GALNT17: variants seen among roughly 807,000 people sequenced by gnomAD.
GALNT17 encodes UDP-GalNAc:polypeptide N-acetylgalactosaminyltransferase-like 3.
A neutral mutation model predicts 63.7 loss-of-function variants in GALNT17; 29 were observed. The ratio of observed to expected loss-of-function variants is 0.46; its 90% CI spans 0.34 to 0.62. GALNT17 has a LOEUF of 0.62. Among genes scored for constraint, GALNT17 ranks in the 20% least tolerant of loss-of-function variants. The pLI is 0.01. For missense variants in GALNT17, 603 were observed against 799.6 expected (o/e 0.75, Z 2.97); for synonymous variants, 305 against 318.3 (o/e 0.96, Z 0.45).
chr7:71,163,519 C>T lies in GALNT17; in HGVS notation c.238+30479C>T, dbSNP rs77667038. 5.5e-3 allele frequency among the ~76,000 whole-genome samples: 830 copies of T among 152,260 alleles called. 9 individuals carry two copies. Among genetic ancestry groups the T allele is most frequent in the African/African-American group, 0.018 (732 of 41,554 alleles). On this transcript the variant is annotated intron_variant, in intron 1 of 10. Transcript: ENST00000333538. ...CTTTAAGGCCCCTTTTCCCTAATCACGAGCCAAACAGGGGGATTGGATTTT... is the reference window on the plus strand; with the variant it reads ...CTTTAAGGCCCCTTTTCCCTAATCATGAGCCAAACAGGGGGATTGGATTTT...
intron 5 of GALNT17, among the ~76,000 whole-genome samples, chr7:71,489,058 A>C (rs368974859): frequency 6.7e-6 from 1 of 149,676 alleles, no homozygotes. Context: ...CACACCTCGC[A>C]AATTTTTGTA....
chr7:71,617,989 A>T (rs1042158411), intron 6 of GALNT17, among the ~76,000 whole-genome samples: 1 of 151,980 alleles, frequency 6.6e-6, no homozygotes, highest in Non-Finnish European at 1.5e-5. Flanking sequence ...ACCCTCTAGT[A>T]GTCCACAATA....
At chr7:71,272,382 C>T (rs1434550144) in intron 1 of GALNT17, among the ~76,000 whole-genome samples, 1 of 152,144 alleles carries the variant, frequency 6.6e-6, no homozygotes, top group Non-Finnish European at 1.5e-5. Context: ...GCGTATGTTT[C>T]ACTTTGTAAA....
intron 1 of GALNT17, among the ~76,000 whole-genome samples, chr7:71,226,440 G>T (rs993710567): frequency 2.6e-5 from 4 of 152,106 alleles, no homozygotes; most frequent in Admixed American, 2.0e-4. Flanking sequence ...CTATCTTCGT[G>T]GTCTAGGCCA....
At chr7:71,163,262 A>C (rs1403890954) in intron 1 of GALNT17, among the ~76,000 whole-genome samples, 1 of 152,176 alleles carries the variant, frequency 6.6e-6, no homozygotes. Context: ...TTTTGGATGC[A>C]CTGTTTCTGA....
intron 6 of GALNT17, among the ~76,000 whole-genome samples, chr7:71,661,696 C>G (rs1474469874): frequency 1.3e-5 from 2 of 152,182 alleles, no homozygotes; most frequent in Non-Finnish European, 2.9e-5. Flanking sequence ...CCTGGCAGTT[C>G]ACCCTGGGCT....
At chr7:71,215,093 G>A (rs544388573) in intron 1 of GALNT17, among the ~76,000 whole-genome samples, 1 of 152,316 alleles carries the variant, frequency 6.6e-6, no homozygotes, top group East Asian at 1.9e-4. Context: ...AAACCCCAGT[G>A]TAACCTTGAT....
intron 1 of GALNT17, among the ~76,000 whole-genome samples, chr7:71,235,074 A>T (rs2116454032): frequency 6.6e-6 from 1 of 152,086 alleles, no homozygotes; most frequent in Middle Eastern, 3.4e-3. Context: ...AACACAGTGA[A>T]ACTCTGTCTC....
chr7:71,379,013 A>G (rs962451059), intron 2 of GALNT17, among the ~76,000 whole-genome samples: 2 of 152,088 alleles, frequency 1.3e-5, no homozygotes, highest in Middle Eastern at 3.4e-3. Flanking sequence ...AAAAAAGAAA[A>G]AAAGAAGATG....
chr7:71,668,856 C>T (rs1791024812), intron 7 of GALNT17, among the ~76,000 whole-genome samples: 3 of 152,120 alleles, frequency 2.0e-5, no homozygotes. Context: ...ATTAGAACAT[C>T]ATTACAAGCT....
chr7:71,133,955 A>C (rs955413393), intron 1 of GALNT17, among the ~76,000 whole-genome samples: 1 of 152,222 alleles, frequency 6.6e-6, no homozygotes, highest in African/African-American at 2.4e-5. Flanking sequence ...TTCTCAAACG[A>C]ACTGCAGATA....
chr7:71,440,748 G>T (rs73363788), intron 5 of GALNT17, among the ~76,000 whole-genome samples: 8,118 of 152,080 alleles, frequency 0.053, 762 homozygotes, highest in African/African-American at 0.19. Context: ...GTTTCCAGGG[G>T]GTCCTTTAGA....
At chr7:71,165,471 A>AG (rs1788423497) in intron 1 of GALNT17, among the ~76,000 whole-genome samples, 6 of 104,894 alleles carry the variant, frequency 5.7e-5, no homozygotes, top group African/African-American at 1.8e-4. Context: ...CAGACAAGAG[A>AG]AGAGAGAGAA....
intron 3 of GALNT17, among the ~76,000 whole-genome samples, chr7:71,400,429 CT>C (rs1793220002): frequency 6.6e-6 from 1 of 152,096 alleles, no homozygotes; most frequent in Non-Finnish European, 1.5e-5. Flanking sequence ...TTTCTCTCAA[CT>C]TTTGCTTCTC....
At chr7:71,259,466 T>A (rs1396198167) in intron 1 of GALNT17, among the ~76,000 whole-genome samples, 1 of 152,052 alleles carries the variant, frequency 6.6e-6, no homozygotes, top group Non-Finnish European at 1.5e-5. Flanking sequence ...GGGGCAGATA[T>A]AGGGTTTTAC....
chr7:71,593,055 G>T (rs1452823001), intron 6 of GALNT17, among the ~76,000 whole-genome samples: 2 of 151,898 alleles, frequency 1.3e-5, no homozygotes, highest in Middle Eastern at 3.2e-3. Context: ...AGGCTGAAGT[G>T]GGAGGATTGC....
chr7:71,351,181 AG>A (rs1792183160), intron 2 of GALNT17, among the ~76,000 whole-genome samples: 1 of 152,072 alleles, frequency 6.6e-6, no homozygotes, highest in Non-Finnish European at 1.5e-5. Context: ...AAGTAAATAA[AG>A]CCTCTGTCAG....
chr7:71,252,714 C>T (rs1790222225), intron 1 of GALNT17, among the ~76,000 whole-genome samples: 1 of 152,104 alleles, frequency 6.6e-6, no homozygotes, highest in Admixed American at 6.6e-5. Flanking sequence ...AACCTTGGAG[C>T]CCTCAACTTA....
rs187376092 is a variant in GALNT17 at position 71,701,028 on chromosome 7, C to T, written c.1501-9733C>T. ...CACACCCCTGCCTTCATGCCACTCT[C>T]ATTCTAGCCAAGGGAGCCAAACAAC... On this transcript the variant is annotated intron_variant, in intron 9 of 10. Transcript: ENST00000333538. Among the ~76,000 whole-genome samples the T allele has an allele frequency of 2.3e-3, 344 of 152,288 alleles. 1 individual carries two copies. Among genetic ancestry groups the T allele is most frequent in the Non-Finnish European group, 3.4e-3 (233 of 68,028 alleles).
Sources: gnomAD v4.1 joint callset for allele counts (sites outside exome capture counted in the v4.1 genomes callset) on GRCh38, gnomAD v4.1.1 for gene constraint, MANE v1.5 for transcripts, NCBI Gene and HGNC (gene_info 2026-07-23, HGNC 2026-07-21) for gene names.